The following ADAMTS3 variants were observed in gnomAD, a reference collection of about 807,000 sequenced individuals.
The protein encoded by ADAMTS3 is ADAM metallopeptidase with thrombospondin type 1 motif 3, also known as A disintegrin and metalloproteinase with thrombospondin motifs 3.
ADAMTS3 carries 73 observed loss-of-function variants against 129.0 expected under a neutral mutation model. The ratio of observed to expected loss-of-function variants is 0.57; its 90% CI spans 0.47 to 0.69. The LOEUF is 0.69. ADAMTS3 is among the 30% of genes least tolerant of loss of function. The pLI, the probability that ADAMTS3 is intolerant of heterozygous loss-of-function variation, is 0.00. For missense variants in ADAMTS3, 1,457 were observed against 1,514.5 expected (o/e 0.96, Z 0.63); for synonymous variants, 477 against 510.8 (o/e 0.93, Z 0.89).
At chr4:72,329,058 A>G (rs1719771100) in intron 5 of ADAMTS3, among the ~76,000 whole-genome samples, 1 of 152,152 alleles carries the variant, frequency 6.6e-6, no homozygotes, top group African/African-American at 2.4e-5. Flanking sequence ...ACTCTTATCA[A>G]CTATTTATTG....
At chr4:72,358,686 G>A (rs1234019677) in intron 4 of ADAMTS3, among the ~76,000 whole-genome samples, 2 of 151,938 alleles carry the variant, frequency 1.3e-5, no homozygotes, top group African/African-American at 4.8e-5. Context: ...GCAACATTAT[G>A]TAACCATTGC....
chr4:72,322,422 T>C (rs1249564145), intron 6 of ADAMTS3, among the ~76,000 whole-genome samples: 1 of 152,204 alleles, frequency 6.6e-6, no homozygotes, highest in Non-Finnish European at 1.5e-5. Flanking sequence ...TCAATTATAT[T>C]ACATGAAATG....
At chr4:72,538,231 A>C (rs1721230545) in intron 3 of ADAMTS3, among the ~76,000 whole-genome samples, 1 of 152,178 alleles carries the variant, frequency 6.6e-6, no homozygotes, top group Non-Finnish European at 1.5e-5. Flanking sequence ...TAAAGAAATA[A>C]TAGATGGAAA....
intron 5 of ADAMTS3, among the ~76,000 whole-genome samples, chr4:72,337,029 T>C (rs1720009879): frequency 6.6e-6 from 1 of 152,150 alleles, no homozygotes; most frequent in African/African-American, 2.4e-5. Flanking sequence ...GTCTCATCAA[T>C]AATAAAACTA....
chr4:72,558,000 T>C (rs947240657), intron 2 of ADAMTS3, among the ~76,000 whole-genome samples: 2 of 151,940 alleles, frequency 1.3e-5, no homozygotes, highest in East Asian at 3.9e-4. Flanking sequence ...TTAATATTTC[T>C]CACACCTCTT....
At chr4:72,551,293 C>A (rs1721640308) in intron 2 of ADAMTS3, among the ~76,000 whole-genome samples, 2 of 152,098 alleles carry the variant, frequency 1.3e-5, no homozygotes, top group Non-Finnish European at 2.9e-5. Context: ...AGGGAGCCTT[C>A]TCCATACCCA....
At position 72,281,144 on chromosome 4, in the gene ADAMTS3, C is replaced by T. The variant is rs1718330062; in HGVS notation, c.*1992G>A. 3 of 152,300 alleles carry T rather than the reference C, an allele frequency of 2.0e-5. No individual in the cohort carries two copies. The South Asian group carries it at 6.2e-4, about 32-fold the overall frequency. The allele number at this position is 152,300 out of a possible 1,614,324, so 9.4% of individuals were successfully genotyped here. On this transcript the variant is annotated 3_prime_UTR_variant, in exon 22 of 22. Transcript: ENST00000286657. ...TGTTTGTGTGACCATCTTTATCTTC[C>T]CCTGTGGATGAGATGTATGCACACA... is the stretch of plus-strand genomic sequence containing the variant.
At chr4:72,497,940 T>G (rs1719910527) in intron 3 of ADAMTS3, among the ~76,000 whole-genome samples, 1 of 152,026 alleles carries the variant, frequency 6.6e-6, no homozygotes, top group South Asian at 2.1e-4. Flanking sequence ...AAAAGATTTG[T>G]TTTTCATGCT....
intron 3 of ADAMTS3, among the ~76,000 whole-genome samples, chr4:72,451,516 C>T (rs1452214388): frequency 4.0e-5 from 6 of 151,688 alleles, no homozygotes; most frequent in Admixed American, 2.6e-4. Context: ...GGCCCAGCGC[C>T]AACATATTTA....
chr4:72,337,877 C>T (rs1001743681), intron 5 of ADAMTS3, among the ~76,000 whole-genome samples: 5 of 152,068 alleles, frequency 3.3e-5, no homozygotes, highest in Non-Finnish European at 7.4e-5. Flanking sequence ...ATCAAAATCT[C>T]TATTGCATTA....
At chr4:72,533,950 T>A (rs1194224290) in intron 3 of ADAMTS3, among the ~76,000 whole-genome samples, 1 of 152,194 alleles carries the variant, frequency 6.6e-6, no homozygotes, top group East Asian at 1.9e-4. Flanking sequence ...AATAGTTAAT[T>A]TGGTGCTTTG....
chr4:72,412,565 G>T (rs1490245754), intron 4 of ADAMTS3, among the ~76,000 whole-genome samples: 2 of 151,864 alleles, frequency 1.3e-5, no homozygotes, highest in Non-Finnish European at 2.9e-5. Flanking sequence ...AACATATATG[G>T]TTACAATTCA....
chr4:72,532,709 G>A (rs1721076696), intron 3 of ADAMTS3, among the ~76,000 whole-genome samples: 1 of 152,030 alleles, frequency 6.6e-6, no homozygotes, highest in Non-Finnish European at 1.5e-5. Flanking sequence ...AGGCTGTATG[G>A]CACAACATAT....
At chr4:72,463,206 A>C (rs1718820153) in intron 3 of ADAMTS3, among the ~76,000 whole-genome samples, 1 of 152,052 alleles carries the variant, frequency 6.6e-6, no homozygotes, top group Non-Finnish European at 1.5e-5. Flanking sequence ...ACTATAAGGC[A>C]TAGCCTAGGT....
chr4:72,341,790 A>G (rs1441214640), intron 4 of ADAMTS3, among the ~76,000 whole-genome samples: 3 of 152,194 alleles, frequency 2.0e-5, no homozygotes, highest in African/African-American at 7.2e-5. Context: ...AGGAAACAGA[A>G]TCTCTCTTTT....
chr4:72,497,782 T>C (rs1719907251), intron 3 of ADAMTS3, among the ~76,000 whole-genome samples: 1 of 151,870 alleles, frequency 6.6e-6, no homozygotes, highest in Non-Finnish European at 1.5e-5. Context: ...ACATAAAAAC[T>C]GACCAGCCTA....
At chr4:72,321,471 T>G (rs1364672022) in intron 6 of ADAMTS3, among the ~76,000 whole-genome samples, 2 of 152,080 alleles carry the variant, frequency 1.3e-5, no homozygotes, top group Non-Finnish European at 2.9e-5. Flanking sequence ...ATACTGAGAT[T>G]TGCTATTGTG....
At chr4:72,467,083 A>C (rs1327997962) in intron 3 of ADAMTS3, among the ~76,000 whole-genome samples, 1 of 152,050 alleles carries the variant, frequency 6.6e-6, no homozygotes, top group Non-Finnish European at 1.5e-5. Context: ...CTCTAGCTAA[A>C]AATCACTGCA....
chr4:72,376,036 C>T (rs1336846763), intron 4 of ADAMTS3, among the ~76,000 whole-genome samples: 1 of 152,146 alleles, frequency 6.6e-6, no homozygotes, highest in Non-Finnish European at 1.5e-5. Context: ...ATAGGGAAGG[C>T]AGGTTTAAGA....
Sources: gnomAD v4.1 joint callset for allele counts (sites outside exome capture counted in the v4.1 genomes callset) on GRCh38, gnomAD v4.1.1 for gene constraint, MANE v1.5 for transcripts, NCBI Gene and HGNC (gene_info 2026-07-23, HGNC 2026-07-21) for gene names.